Variants in DSC3 observed in about 807,000 individuals in gnomAD.
DSC3 encodes the protein desmocollin-3.
DSC3 carries 97 observed loss-of-function variants against 89.5 expected under a neutral mutation model. The ratio of observed to expected loss-of-function variants is 1.08; its 90% CI spans 0.92 to 1.28. The LOEUF is 1.28. Among genes scored for constraint, DSC3 ranks in the 50% most tolerant of loss-of-function variants. The probability of loss-of-function intolerance (pLI) is 0.00; values close to 1 mark genes in which losing one functional copy is unlikely to be tolerated. For missense variants in DSC3, 1,199 were observed against 1,085.3 expected (o/e 1.10, Z -1.47); for synonymous variants, 436 against 384.1 (o/e 1.14, Z -1.58).
chr18:31,010,957 T>C (rs1225857819), intron 9 of DSC3, among the ~76,000 whole-genome samples: 1 of 152,248 alleles, frequency 6.6e-6, no homozygotes, highest in East Asian at 1.9e-4. Flanking sequence ...TCCCACAGTT[T>C]ACCAAGTGCT....
chr18:31,017,039 C>A (rs1048282564), intron 9 of DSC3, among the ~76,000 whole-genome samples: 2 of 152,142 alleles, frequency 1.3e-5, no homozygotes, highest in Non-Finnish European at 2.9e-5. Context: ...AAAACAAAAG[C>A]AGTCAGTGGT....
At position 31,031,006 on chromosome 18, in the gene DSC3, T is replaced by C. The variant is rs1028472031; in HGVS notation, c.321A>G (p.Lys107=). Residue 107 remains lysine, a synonymous_variant, in exon 3 of 16, where the codon AAA becomes AAG. Transcript: ENST00000360428. ...WLSDKRKQTQ[K]EVTVLLEHQK... The stretch of plus-strand genomic sequence containing the variant: ...GATGTTCTAGCAGCACAGTAACCTC[T>C]TTCTGTGTCTGTTTCCTTTTGTCAG... 6 of 1,613,952 alleles carry C rather than the reference T, an allele frequency of 3.7e-6. No homozygotes were observed. Among genetic ancestry groups the C allele is most frequent in the Middle Eastern group, 1.6e-4 (1 of 6,084 alleles).
In DSC3 at chr18:31,008,475, G is replaced by T; in HGVS notation, c.1314C>A (p.Asn438Lys). ...TATCTCTAGCAAATGGCGCTTCATTGTTTACTCCAATTTCCAGGTTCACTT... is the reference window on the plus strand; with the variant it reads ...TATCTCTAGCAAATGGCGCTTCATTTTTTACTCCAATTTCCAGGTTCACTT... The part of the protein sequence containing the change: ...NRQVNLEIGV[N>K]NEAPFARDIP... The change falls in exon 10 of 16, where the codon AAC becomes AAA. Residue 438 changes from asparagine (N) to lysine (K), a missense_variant. Physicochemically the swap from Asn to Lys is moderately conservative, Grantham distance 94. Transcript: ENST00000360428. 1.2e-6 allele frequency: 2 copies of T among 1,614,084 alleles called. No individual in the cohort carries two copies. Among genetic ancestry groups the T allele is most frequent in the Non-Finnish European group, 8.5e-7 (1 of 1,179,994 alleles).
In DSC3 at chr18:31,025,763, A is replaced by C; in HGVS notation, c.627T>G (p.Phe209Leu). The C allele has an allele frequency of 6.2e-7, 1 of 1,612,658 alleles. No homozygotes were observed. The highest frequency in any genetic ancestry group is 8.5e-7 in the Non-Finnish European group (1 of 1,178,946). Residue 209 changes from phenylalanine to leucine, a missense_variant, in exon 5 of 16, where the codon TTT becomes TTG. Phe to Leu is a conservative substitution (Grantham distance 22). Transcript: ENST00000360428. ...RPVDREEYDV[F>L]DLIAYASTAD... Reference sequence around the variant, plus strand: ...GGCATATCAATAAAAGTCCTACATCAAAAACATCATATTCTTCACGATCCA... The same window carrying C: ...GGCATATCAATAAAAGTCCTACATCCAAAACATCATATTCTTCACGATCCA...
rs1985300332 is a variant in DSC3, at chr18:31,018,233, A to G, written c.1101T>C (p.Asn367=). 1 of 1,611,336 alleles carries G rather than the reference A, an allele frequency of 6.2e-7. No homozygotes were observed. The highest frequency in any genetic ancestry group is 1.7e-5 in the Admixed American group (1 of 59,934). The change falls in exon 9 of 16, where the codon AAT becomes AAC. Residue 367 remains asparagine, a synonymous_variant. Coordinates refer to ENST00000360428, the MANE Select transcript of DSC3 (RefSeq NM_001941.5). The part of the protein sequence containing the change: ...QNAYEAFVEE[N]AFNVEILRIP... The stretch of plus-strand genomic sequence containing the variant: ...TTCGTAAGATTTCCACATTGAATGC[A>G]TTTTCCTCTACAAATGCTTCATACT...
At chr18:31,042,475 A>G (rs1219927798) in intron 1 of DSC3, 117 bp downstream of exon 1, 2 of 1,062,594 alleles carry the variant, frequency 1.9e-6, no homozygotes, top group Non-Finnish European at 2.8e-6. Flanking sequence ...GACCCGCAGC[A>G]TTGATCTGAG....
rs376725418 is a variant in DSC3 at position 31,008,103 on chromosome 18, A to C, written c.1576T>G (p.Ser526Ala). The C allele has an allele frequency of 1.4e-4, 225 of 1,612,850 alleles. No homozygotes were observed. The highest frequency in any genetic ancestry group is 1.7e-4 in the Non-Finnish European group (202 of 1,179,494). Residue 526 changes from serine to alanine, a missense_variant, in exon 11 of 16, where the codon TCA becomes GCA. Ser to Ala is a moderately conservative substitution (Grantham distance 99). Coordinates refer to ENST00000360428, the MANE Select transcript of DSC3 (RefSeq NM_001941.5). ...GWITIDEISGSIITSKILDRE... is the reference protein window; with the variant it reads ...GWITIDEISGAIITSKILDRE... The stretch of plus-strand genomic sequence containing the variant: ...TCCAGGATTTTGGAAGTTATGATTG[A>C]CCCTGAAATTTCATCAATGGTGATC...
At chr18:31,010,754 C>T (rs148338057) in intron 9 of DSC3, among the ~76,000 whole-genome samples, 13 of 152,236 alleles carry the variant, frequency 8.5e-5, no homozygotes, top group Admixed American at 5.2e-4. Flanking sequence ...TAATACTATC[C>T]TCACTCAAGC....
At position 30,993,429 on chromosome 18, in the gene DSC3, C is replaced by G. The variant is rs568032829; in HGVS notation, c.*746G>C. ...ACACAAATTGGACAGGAACTATTTC[C>G]TCATAGACTCAGTTATAATGCAGCA... is the stretch of plus-strand genomic sequence containing the variant. On this transcript the variant is annotated 3_prime_UTR_variant, in exon 16 of 16. Coordinates refer to ENST00000360428, the MANE Select transcript of DSC3 (RefSeq NM_001941.5). The G allele has an allele frequency of 2.6e-5, 4 of 152,212 alleles. No individual in the cohort carries two copies. The highest frequency in any genetic ancestry group is 4.2e-4 in the South Asian group (2 of 4,812). The allele number at this position is 152,212 out of a possible 1,614,324, so 9.4% of individuals were successfully genotyped here. A position where few individuals can be genotyped will look rare whatever the true frequency, so the allele number is the denominator to read the frequency against.
intron 3 of DSC3, among the ~76,000 whole-genome samples, chr18:31,030,122 C>G (rs77612417): frequency 6.6e-6 from 1 of 152,130 alleles, no homozygotes; most frequent in Non-Finnish European, 1.5e-5. Context: ...TTTAAATTAA[C>G]TGACACTAAA....
rs553943587 is a variant in DSC3 at position 31,004,342 on chromosome 18, T to A, written c.1913A>T (p.Gln638Leu). 1 of 1,613,934 alleles carries A rather than the reference T, an allele frequency of 6.2e-7. No homozygotes were observed. The highest frequency in any genetic ancestry group is 1.1e-5 in the South Asian group (1 of 91,076). ...ATATTCTTGAAATCCAGCATTTTTCTGATATGAAAGACGGGCAGCTGTATC... is the reference window on the plus strand; with the variant it reads ...ATATTCTTGAAATCCAGCATTTTTCAGATATGAAAGACGGGCAGCTGTATC... Reference protein sequence around the residue: ...VNDTAARLSYQKNAGFQEYTI... With the variant: ...VNDTAARLSYLKNAGFQEYTI... The change falls in exon 13 of 16, where the codon CAG becomes CTG. Residue 638 changes from glutamine (Q) to leucine (L), a missense_variant. By Grantham distance (113) the Gln-to-Leu change is moderately radical. Coordinates refer to ENST00000360428, the MANE Select transcript of DSC3 (RefSeq NM_001941.5).
chr18:31,001,778 A>T (rs752228509), intron 13 of DSC3, 39 bp from the exon 14 acceptor site: 4 of 1,455,032 alleles, frequency 2.7e-6, no homozygotes, highest in Non-Finnish European at 3.7e-6. Context: ...TTACTTTAGC[A>T]TACATAGAAT....
intron 15 of DSC3, 141 bp from the exon 16 acceptor site, chr18:30,994,513 C>T (rs1984390627): frequency 1.3e-5 from 20 of 1,577,338 alleles, no homozygotes; most frequent in Non-Finnish European, 1.6e-5. Context: ...ACAGAAAATG[C>T]AAATGATTGG....
chr18:31,009,671 C>T (rs1231756179), intron 9 of DSC3, among the ~76,000 whole-genome samples: 1 of 152,200 alleles, frequency 6.6e-6, no homozygotes, highest in Non-Finnish European at 1.5e-5. Flanking sequence ...ATCTAAGGCA[C>T]TACTCTAACA....
Position 30,994,142 on chromosome 18 carries a change from G to T in DSC3, c.*33C>A. On this transcript the variant is annotated 3_prime_UTR_variant, in exon 16 of 16. Transcript: ENST00000360428. ...TATTATTTTTGGAAACCTCCAGAAT[G>T]TCTGACAAAGACCTAATTGTAGCAC... 1 of 1,596,432 alleles carries T rather than the reference G, an allele frequency of 6.3e-7. No homozygotes were observed. The highest frequency in any genetic ancestry group is 8.6e-7 in the Non-Finnish European group (1 of 1,164,116).
chr18:31,007,271 C>T (rs1984886190), intron 11 of DSC3, 140 bp from the exon 12 acceptor site: 2 of 644,998 alleles, frequency 3.1e-6, no homozygotes, highest in South Asian at 4.1e-5. Context: ...TAAATAAGAA[C>T]ATAGACAGAT....
intron 4 of DSC3, among the ~76,000 whole-genome samples, chr18:31,029,109 T>C (rs1985694171): frequency 6.6e-6 from 1 of 152,122 alleles, no homozygotes; most frequent in South Asian, 2.1e-4. Context: ...TCACCCAACA[T>C]CTCTATACTA....
intron 1 of DSC3, among the ~76,000 whole-genome samples, chr18:31,032,554 A>ATGTGTGTGTG (rs936935279): frequency 4.3e-5 from 4 of 92,380 alleles, no homozygotes; most frequent in African/African-American, 1.4e-4. Flanking sequence ...TTCTGTGTGT[A>ATGTGTGTGTG]TGTGTGTGTG....
chr18:31,035,713 TA>T (rs1047388888), intron 1 of DSC3, among the ~76,000 whole-genome samples: 4 of 151,932 alleles, frequency 2.6e-5, no homozygotes, highest in Non-Finnish European at 2.9e-5. Flanking sequence ...TCTAGATCTT[TA>T]AAAAAAATGA....
Sources: gnomAD v4.1 joint callset for allele counts (sites outside exome capture counted in the v4.1 genomes callset) on GRCh38, gnomAD v4.1.1 for gene constraint, MANE v1.5 for transcripts, NCBI Gene and HGNC (gene_info 2026-07-23, HGNC 2026-07-21) for gene names.